TBC1D30: variants seen among roughly 807,000 people sequenced by gnomAD.
The protein encoded by TBC1D30 is TBC1 domain family member 30, also known as TBC1 domain family, member 30.
In TBC1D30, 31 loss-of-function variants were observed where a neutral mutation model predicts 63.2. That is an observed-to-expected ratio of 0.49 (90% CI 0.37 to 0.66). The LOEUF (loss-of-function observed/expected upper bound fraction) is 0.66, where lower values mean the gene tolerates loss of function less well. Among genes scored for constraint, TBC1D30 ranks in the 30% least tolerant of loss-of-function variants. TBC1D30 has a pLI of 0.00. For synonymous variants in TBC1D30, 307 were observed against 361.5 expected, an observed-to-expected ratio of 0.85 and a Z score of 1.71; for missense variants, 810 against 953.6, an observed-to-expected ratio of 0.85 and a Z score of 1.98.
chr12:64,778,549 CTTTTTT>C (rs34519163), upstream of TBC1D30, among the ~76,000 whole-genome samples: 2 of 78,852 alleles, frequency 2.5e-5, no homozygotes, highest in East Asian at 4.3e-4. Flanking sequence ...ACAGAGAAGC[CTTTTTT>C]TTTTTTTTTT....
chr12:64,815,299 T>C (rs1184370199), intron 2 of TBC1D30, among the ~76,000 whole-genome samples: 1 of 152,198 alleles, frequency 6.6e-6, no homozygotes, highest in East Asian at 1.9e-4. Flanking sequence ...TTGGCTCACA[T>C]TTTTTTCTTT....
At chr12:64,820,447 G>A (rs1020672739), upstream of TBC1D30, among the ~76,000 whole-genome samples, 2 of 152,090 alleles carry the variant, frequency 1.3e-5, no homozygotes, top group African/African-American at 4.8e-5. Context: ...GTGACATTCG[G>A]GGCATTTCCT....
intron 4 of TBC1D30, among the ~76,000 whole-genome samples, 193 bp downstream of exon 4, chr12:64,830,695 C>T (rs534197534): frequency 1.2e-4 from 18 of 152,214 alleles, no homozygotes; most frequent in East Asian, 5.8e-4. Flanking sequence ...TAAATGTTAC[C>T]GGTAAGAAGA....
At chr12:64,816,196 C>A (rs1323247577) in intron 2 of TBC1D30, among the ~76,000 whole-genome samples, 3 of 151,986 alleles carry the variant, frequency 2.0e-5, no homozygotes, top group East Asian at 1.9e-4. Context: ...CCACACCTGG[C>A]TAATTTTTGT....
At chr12:64,836,760 T>G (rs1875399471) in intron 6 of TBC1D30, 102 bp downstream of exon 6, 2 of 1,167,966 alleles carry the variant, frequency 1.7e-6, no homozygotes, top group Non-Finnish European at 2.3e-6. Flanking sequence ...TTCCAGCTAT[T>G]TTTGTAAGAG....
chr12:64,827,987 A>G (rs913649415), intron 2 of TBC1D30, 91 bp downstream of exon 2: 19 of 885,094 alleles, frequency 2.1e-5, no homozygotes, highest in Admixed American at 1.8e-4. Flanking sequence ...GTATTCTTTG[A>G]TATGAATGTG....
At chr12:64,800,792 CAT>C (rs1315306447) in intron 2 of TBC1D30, among the ~76,000 whole-genome samples, 4 of 152,136 alleles carry the variant, frequency 2.6e-5, no homozygotes, top group Non-Finnish European at 5.9e-5. Flanking sequence ...CTGTCAACAA[CAT>C]GTGTACATAT....
intron 2 of TBC1D30, among the ~76,000 whole-genome samples, chr12:64,789,389 A>G (rs943185467): frequency 2.0e-5 from 3 of 151,674 alleles, no homozygotes; most frequent in African/African-American, 7.3e-5. Context: ...TCACCATGTT[A>G]CCCAGGCTGG....
At chr12:64,869,824 C>G (rs1878513476) in intron 10 of TBC1D30, among the ~76,000 whole-genome samples, 1 of 152,180 alleles carries the variant, frequency 6.6e-6, no homozygotes. Context: ...ATAACACTCT[C>G]AGCAGATGTT....
At chr12:64,817,377 C>T (rs749469976) in intron 2 of TBC1D30, among the ~76,000 whole-genome samples, 3 of 152,342 alleles carry the variant, frequency 2.0e-5, no homozygotes, top group Admixed American at 1.3e-4. Context: ...GAAACCCAGA[C>T]ATTAAGTAAC....
chr12:64,828,664 C>G (rs1874572093), intron 3 of TBC1D30, among the ~76,000 whole-genome samples, 155 bp downstream of exon 3: 1 of 151,966 alleles, frequency 6.6e-6, no homozygotes, highest in Admixed American at 6.6e-5. Flanking sequence ...TATTCTGTGC[C>G]AAGTAATGTT....
At position 64,875,644 on chromosome 12, in the gene TBC1D30, C is replaced by A. The variant is rs768140818; in HGVS notation, c.2142C>A (p.Ser714Arg). The A allele has an allele frequency of 2.5e-5, 38 of 1,536,270 alleles. No homozygotes were observed. The highest frequency in any genetic ancestry group is 1.7e-4 in the Middle Eastern group (1 of 5,990). ...SKTPIFSPFP[S>R]VKPLRKSATA... ...CCCCCATCTTTAGCCCTTTTCCCAG[C>A]GTCAAGCCCCTGCGGAAATCTGCTA... Residue 714 changes from serine to arginine, a missense_variant, in exon 12 of 12, where the codon AGC becomes AGA. Transcript: ENST00000539867.
At chr12:64,787,073 A>G (rs1238440498) in intron 2 of TBC1D30, among the ~76,000 whole-genome samples, 1 of 152,230 alleles carries the variant, frequency 6.6e-6, no homozygotes, top group Non-Finnish European at 1.5e-5. Context: ...AATTGATTTA[A>G]AGAAATCGAT....
chr12:64,788,692 T>C (rs1246654354), intron 2 of TBC1D30, among the ~76,000 whole-genome samples: 1 of 152,204 alleles, frequency 6.6e-6, no homozygotes, highest in Admixed American at 6.5e-5. Flanking sequence ...ATTTTAGAGT[T>C]TGTCTCTTTA....
At position 64,824,969 on chromosome 12, in the gene TBC1D30, T is replaced by A. The variant is rs902988018; in HGVS notation, c.90T>A (p.Asn30Lys). 6.5e-7 allele frequency: 1 copy of A among 1,534,586 alleles called. No individual in the cohort carries two copies. Among genetic ancestry groups the A allele is most frequent in the Non-Finnish European group, 8.7e-7 (1 of 1,146,574 alleles). ...QGGGVGTILSNVLKKRSCISR... is the reference protein window; with the variant it reads ...QGGGVGTILSKVLKKRSCISR... ...GCGGCGTGGGCACCATCCTGAGCAA[T>A]GTGCTCAAGAAGCGCAGCTGCATTT... The change falls in exon 1 of 12, where the codon AAT becomes AAA. Residue 30 changes from asparagine (N) to lysine (K), a missense_variant. By Grantham distance (94) the Asn-to-Lys change is moderately conservative. This residue lies in a region of TBC1D30 where 272 missense variants were observed against 335.9 expected (regional missense o/e 0.81). Transcript: ENST00000539867.
chr12:64,810,009 G>T (rs997567088), intron 2 of TBC1D30, among the ~76,000 whole-genome samples: 3 of 151,988 alleles, frequency 2.0e-5, no homozygotes, highest in Non-Finnish European at 4.4e-5. Context: ...CTTTGCAGCT[G>T]ACAGCAACCC....
At chr12:64,827,671 G>C (rs1874480090) in intron 1 of TBC1D30, among the ~76,000 whole-genome samples, 164 bp from the exon 2 acceptor site, 1 of 152,000 alleles carries the variant, frequency 6.6e-6, no homozygotes. Flanking sequence ...CCTATTTTAA[G>C]AATCAATATG....
chr12:64,855,643 T>G (rs1423060089), intron 8 of TBC1D30, among the ~76,000 whole-genome samples: 3 of 152,246 alleles, frequency 2.0e-5, no homozygotes, highest in African/African-American at 2.4e-5. Context: ...GTCGATTGCA[T>G]TTTTCAAGTC....
chr12:64,870,561 C>A, intron 10 of TBC1D30, 41 bp from the exon 11 acceptor site: 1 of 1,494,776 alleles, frequency 6.7e-7, no homozygotes, highest in Non-Finnish European at 9.0e-7. Context: ...TCCTGTTCCC[C>A]TCCACCGACC....
Sources: allele counts gnomAD v4.1 joint callset (sites outside exome capture counted in the v4.1 genomes callset), GRCh38; gene constraint gnomAD v4.1.1; regional missense constraint gnomAD v4.1.1; transcripts MANE v1.5; gene names NCBI Gene and HGNC (gene_info 2026-07-23, HGNC 2026-07-21).